Variants in FANK1 observed in about 807,000 individuals in gnomAD.
FANK1 encodes fibronectin type III and ankyrin repeat domains 1, also known as fibronectin type 3 and ankyrin repeat domains protein 1.
A neutral mutation model predicts 45.3 loss-of-function variants in FANK1; 44 were observed. The observed-to-expected ratio is 0.97, with a 90% CI of 0.76 to 1.25. The LOEUF (loss-of-function observed/expected upper bound fraction) is 1.25. FANK1 is among the 50% of genes most tolerant of loss of function. The probability of loss-of-function intolerance (pLI) is 0.00; values close to 1 mark genes in which losing one functional copy is unlikely to be tolerated. For synonymous variants in FANK1, 149 were observed against 152.5 expected (o/e 0.98, Z 0.17); for missense variants, 391 against 424.4 (o/e 0.92, Z 0.69).
chr10:125,909,455 A>T (rs1460339555), intron 1 of FANK1, among the ~76,000 whole-genome samples: 1 of 148,886 alleles, frequency 6.7e-6, no homozygotes, highest in Non-Finnish European at 1.5e-5. Flanking sequence ...TTTTAATTTC[A>T]TTCGGCTTAA....
rs1951639827 is a variant in FANK1 at position 125,987,453 on chromosome 10, A to G, written c.192-1098A>G. Reference sequence around the variant, plus strand: ...TGGTAACCTTGGCATCTAAGGAGCTATGGAGAATGGTCCAAGGGAGGAGAA... The same window carrying G: ...TGGTAACCTTGGCATCTAAGGAGCTGTGGAGAATGGTCCAAGGGAGGAGAA... On this transcript the variant is annotated intron_variant, in intron 2 of 10. Coordinates refer to ENST00000368693, the MANE Select transcript of FANK1 (RefSeq NM_145235.5). 2.6e-5 allele frequency among the ~76,000 whole-genome samples: 4 copies of G among 152,130 alleles called. No individual in the cohort carries two copies. The South Asian group carries it at 6.2e-4, about 24-fold the overall frequency.
chr10:125,999,534 A>G (rs1415423799), intron 6 of FANK1, among the ~76,000 whole-genome samples: 1 of 152,190 alleles, frequency 6.6e-6, no homozygotes, highest in Non-Finnish European at 1.5e-5. Context: ...ATTGCAGCAT[A>G]CCAAGGTTTC....
chr10:125,917,986 G>T (rs1168902610), intron 1 of FANK1, among the ~76,000 whole-genome samples: 2 of 152,286 alleles, frequency 1.3e-5, no homozygotes, highest in African/African-American at 4.8e-5. Context: ...GGCTGAGGTG[G>T]GTTGGATCAC....
chr10:125,900,833 A>G (rs1400270362), intron 1 of FANK1, among the ~76,000 whole-genome samples: 1 of 152,114 alleles, frequency 6.6e-6, no homozygotes, highest in Non-Finnish European at 1.5e-5. Context: ...GTATTTTTAT[A>G]GAGACAGGGT....
chr10:125,911,855 C>G (rs540139579), intron 1 of FANK1, among the ~76,000 whole-genome samples: 185 of 152,248 alleles, frequency 1.2e-3, no homozygotes, highest in African/African-American at 4.3e-3. Flanking sequence ...CCACTGCATA[C>G]CTTTGTGTCC....
At chr10:125,937,590 T>C in intron 1 of FANK1, among the ~76,000 whole-genome samples, 1 of 152,178 alleles carries the variant, frequency 6.6e-6, no homozygotes, top group African/African-American at 2.4e-5. Context: ...GTATGGACAA[T>C]GGAGTACCAC....
chr10:125,963,539 T>A (rs1394025359), intron 1 of FANK1, among the ~76,000 whole-genome samples: 1 of 152,188 alleles, frequency 6.6e-6, no homozygotes, highest in African/African-American at 2.4e-5. Context: ...GTGGCACATA[T>A]ACACCATGGA....
chr10:125,906,214 G>C (rs73383063), intron 1 of FANK1, among the ~76,000 whole-genome samples: 1 of 151,530 alleles, frequency 6.6e-6, no homozygotes, highest in African/African-American at 2.4e-5. Context: ...TCCCAGGTCC[G>C]TTACAAAAAA....
intron 6 of FANK1, among the ~76,000 whole-genome samples, chr10:125,998,716 T>C (rs1017626130): frequency 3.3e-5 from 5 of 151,304 alleles, no homozygotes. Flanking sequence ...GTGTCTATAA[T>C]AGTAGATAAT....
At chr10:125,988,923 A>C (rs1428082782) in intron 3 of FANK1, 3 of 609,702 alleles carry the variant, frequency 4.9e-6, no homozygotes, top group Admixed American at 5.0e-5. Context: ...GCCATTCAGC[A>C]CAAAAGGGTG....
At chr10:125,995,052 T>G in intron 3 of FANK1, 7 of 654,756 alleles carry the variant, frequency 1.1e-5, no homozygotes, top group Non-Finnish European at 1.3e-5. Context: ...TTAACATCTC[T>G]TTGGCAAATA....
intron 3 of FANK1, among the ~76,000 whole-genome samples, chr10:125,993,528 G>C (rs1290356640): frequency 6.6e-6 from 1 of 152,150 alleles, no homozygotes; most frequent in Non-Finnish European, 1.5e-5. Context: ...AGGTTCCTTG[G>C]CCTCTATCCT....
At chr10:125,912,887 G>A (rs1275566630) in intron 1 of FANK1, among the ~76,000 whole-genome samples, 1 of 152,138 alleles carries the variant, frequency 6.6e-6, no homozygotes, top group Admixed American at 6.6e-5. Context: ...CGCCCGTCTC[G>A]GCCTCCCAAA....
intron 1 of FANK1, among the ~76,000 whole-genome samples, chr10:125,916,665 A>G (rs144476724): frequency 0.016 from 2,488 of 152,334 alleles, 31 homozygotes; most frequent in South Asian, 0.032. Flanking sequence ...CAATTCTGAC[A>G]CATGCTACAC....
At chr10:125,903,667 T>A (rs1233104927) in intron 1 of FANK1, among the ~76,000 whole-genome samples, 1 of 137,612 alleles carries the variant, frequency 7.3e-6, no homozygotes, top group Non-Finnish European at 1.7e-5. Flanking sequence ...CCATCTCTAA[T>A]TTTTTTTTAA....
intron 1 of FANK1, among the ~76,000 whole-genome samples, chr10:125,918,477 C>T (rs1201116985): frequency 1.4e-5 from 2 of 141,272 alleles, no homozygotes; most frequent in South Asian, 4.8e-4. Flanking sequence ...AATCCTTGAA[C>T]CCGGGAGGCG....
chr10:125,969,737 A>C (rs2134188543), intron 1 of FANK1, among the ~76,000 whole-genome samples: 1 of 152,282 alleles, frequency 6.6e-6, no homozygotes, highest in South Asian at 2.1e-4. Context: ...ACATGTGAAC[A>C]AAGGTCTCTG....
intron 1 of FANK1, among the ~76,000 whole-genome samples, chr10:125,949,722 T>A (rs866343995): frequency 6.7e-6 from 1 of 148,958 alleles, no homozygotes; most frequent in South Asian, 2.2e-4. Flanking sequence ...GCCATCCCCA[T>A]CAAGCTACCA....
At chr10:125,941,311 A>G (rs922703290) in intron 1 of FANK1, among the ~76,000 whole-genome samples, 2 of 152,234 alleles carry the variant, frequency 1.3e-5, no homozygotes, top group Non-Finnish European at 2.9e-5. Flanking sequence ...AATTTGGCAA[A>G]TAAAATCACG....
Sources: allele counts gnomAD v4.1 joint callset (sites outside exome capture counted in the v4.1 genomes callset), GRCh38; gene constraint gnomAD v4.1.1; transcripts MANE v1.5; gene names NCBI Gene and HGNC (gene_info 2026-07-23, HGNC 2026-07-21).